Variants in RPRD1A observed in about 807,000 individuals in gnomAD.
The protein encoded by RPRD1A is regulation of nuclear pre-mRNA domain-containing protein 1A.
RPRD1A carries 9 observed loss-of-function variants against 37.8 expected under a neutral mutation model. That is an observed-to-expected ratio of 0.24 (90% CI 0.14 to 0.42). The LOEUF (loss-of-function observed/expected upper bound fraction) is 0.42, where lower values mean the gene tolerates loss of function less well. Ranked by LOEUF, RPRD1A falls within the 10% of genes least tolerant of loss-of-function variation. RPRD1A has a pLI of 1.00. For synonymous variants in RPRD1A, 138 were observed against 139.7 expected (o/e 0.99, Z 0.08); for missense variants, 255 against 371.0 (o/e 0.69, Z 2.57).
chr18:36,017,690 G>A (rs139759970), intron 6 of RPRD1A, among the ~76,000 whole-genome samples: 54 of 152,322 alleles, frequency 3.5e-4, no homozygotes, highest in African/African-American at 1.2e-3. Context: ...TTCTATGAAT[G>A]CCTCTCTTGA....
intron 1 of RPRD1A, among the ~76,000 whole-genome samples, chr18:36,046,830 C>T (rs184617960): frequency 2.5e-4 from 37 of 146,620 alleles, no homozygotes; most frequent in Admixed American, 2.2e-3. Context: ...GAGAGCCCAT[C>T]TGAAAAAAAA....
chr18:36,033,426 T>C (rs942706261), intron 2 of RPRD1A, among the ~76,000 whole-genome samples: 5 of 152,146 alleles, frequency 3.3e-5, no homozygotes, highest in Admixed American at 2.6e-4. Context: ...TCATTTTTAA[T>C]GAAGTTCATT....
chr18:36,020,945 G>C (rs1031927987), intron 6 of RPRD1A, among the ~76,000 whole-genome samples: 1 of 152,174 alleles, frequency 6.6e-6, no homozygotes, highest in African/African-American at 2.4e-5. Context: ...AGAAAATGCA[G>C]AGCCCATAAA....
intron 1 of RPRD1A, among the ~76,000 whole-genome samples, chr18:36,038,205 C>G (rs545128670): frequency 6.6e-6 from 1 of 152,350 alleles, no homozygotes; most frequent in East Asian, 1.9e-4. Context: ...ACCTTCATGG[C>G]AGCCTCTCCC....
intron 1 of RPRD1A, among the ~76,000 whole-genome samples, chr18:36,042,895 A>G (rs1912683296): frequency 6.6e-6 from 1 of 152,202 alleles, no homozygotes; most frequent in African/African-American, 2.4e-5. Context: ...TCTATCAGAA[A>G]ACATAAATGC....
Position 36,038,999 on chromosome 18 carries a change from T to G in RPRD1A, c.152-5162A>C, listed in dbSNP as rs1178894788. On this transcript the variant is annotated intron_variant, in intron 1 of 6. Coordinates refer to ENST00000399022, the MANE Select transcript of RPRD1A (RefSeq NM_018170.5). ...GCTCATAGGTGGGAGGGACTTGCCTTATCTCAGGTGAGACTTTGGGCTTGG... is the reference window on the plus strand; with the variant it reads ...GCTCATAGGTGGGAGGGACTTGCCTGATCTCAGGTGAGACTTTGGGCTTGG... Among the ~76,000 whole-genome samples the G allele has an allele frequency of 6.6e-5, 10 of 152,362 alleles. No individual in the cohort carries two copies. The East Asian group carries it at 1.9e-3, about 29-fold the overall frequency.
chr18:36,018,811 G>C (rs1910783941), intron 6 of RPRD1A, among the ~76,000 whole-genome samples: 1 of 152,124 alleles, frequency 6.6e-6, no homozygotes, highest in African/African-American at 2.4e-5. Flanking sequence ...ATACAGTTGG[G>C]AAGAGGGGGC....
chr18:36,052,172 C>A (rs1360067774), intron 1 of RPRD1A, among the ~76,000 whole-genome samples: 1 of 95,404 alleles, frequency 1.0e-5, no homozygotes, highest in Non-Finnish European at 2.2e-5. Flanking sequence ...AAAAAAAAAA[C>A]TGTCAACCAA....
At chr18:36,031,308 ATAT>A (rs1039008306) in intron 2 of RPRD1A, among the ~76,000 whole-genome samples, 3 of 152,160 alleles carry the variant, frequency 2.0e-5, no homozygotes, top group Non-Finnish European at 4.4e-5. Flanking sequence ...TTTTATAAAC[ATAT>A]TATTACACAA....
chr18:36,037,370 TTCAC>T (rs1912266963), intron 1 of RPRD1A, among the ~76,000 whole-genome samples: 1 of 152,172 alleles, frequency 6.6e-6, no homozygotes, highest in Non-Finnish European at 1.5e-5. Context: ...TTTCCCCCAC[TTCAC>T]TCTGTACTTC....
intron 2 of RPRD1A, among the ~76,000 whole-genome samples, chr18:36,031,865 T>C (rs542565132): frequency 1.3e-5 from 2 of 152,350 alleles, no homozygotes; most frequent in African/African-American, 4.8e-5. Context: ...AAATCCTTAC[T>C]CTGGGCCATA....
chr18:36,018,935 A>G (rs1178156482), intron 6 of RPRD1A, among the ~76,000 whole-genome samples: 1 of 152,140 alleles, frequency 6.6e-6, no homozygotes, highest in African/African-American at 2.4e-5. Context: ...AGCAGGAGGC[A>G]AGAGCATTCC....
intron 1 of RPRD1A, among the ~76,000 whole-genome samples, chr18:36,050,483 C>T (rs752094958): frequency 6.6e-6 from 1 of 150,420 alleles, no homozygotes; most frequent in Non-Finnish European, 1.5e-5. Flanking sequence ...ATATGGATTG[C>T]AAATCATTAA....
intron 6 of RPRD1A, among the ~76,000 whole-genome samples, chr18:35,995,261 G>GTTTT (rs1232555714): frequency 9.2e-5 from 10 of 109,208 alleles, no homozygotes; most frequent in South Asian, 3.0e-4. Context: ...GCTTTTTTTC[G>GTTTT]TTTTTTTTTT....
intron 6 of RPRD1A, among the ~76,000 whole-genome samples, chr18:36,007,181 A>T (rs1909798216): frequency 6.6e-6 from 1 of 152,204 alleles, no homozygotes; most frequent in South Asian, 2.1e-4. Context: ...CAACTTTCAC[A>T]CAAAGTCCAC....
chr18:35,999,162 A>G (rs1323130096), intron 6 of RPRD1A, among the ~76,000 whole-genome samples: 3 of 152,158 alleles, frequency 2.0e-5, no homozygotes, highest in East Asian at 1.9e-4. Context: ...CACTTTCTAT[A>G]TATCTACATT....
chr18:36,035,963 G>A (rs543005893), intron 1 of RPRD1A, among the ~76,000 whole-genome samples: 1 of 152,078 alleles, frequency 6.6e-6, no homozygotes, highest in Non-Finnish European at 1.5e-5. Flanking sequence ...TTATTCATGG[G>A]TACAGAGTCT....
chr18:36,002,147 T>A (rs1487296784), intron 6 of RPRD1A, among the ~76,000 whole-genome samples: 1 of 152,148 alleles, frequency 6.6e-6, no homozygotes, highest in East Asian at 1.9e-4. Flanking sequence ...AGTGGTTGGG[T>A]GTCTGTCACT....
intron 6 of RPRD1A, among the ~76,000 whole-genome samples, chr18:36,015,199 C>CAT (rs1227762051): frequency 6.9e-6 from 1 of 145,372 alleles, no homozygotes; most frequent in African/African-American, 2.7e-5. Flanking sequence ...CACACACACA[C>CAT]ACACATTCAC....
Sources: allele counts gnomAD v4.1 joint callset (sites outside exome capture counted in the v4.1 genomes callset), GRCh38; gene constraint gnomAD v4.1.1; transcripts MANE v1.5; gene names NCBI Gene and HGNC (gene_info 2026-07-23, HGNC 2026-07-21).